NEK5: variants seen among roughly 807,000 people sequenced by gnomAD.
The protein encoded by NEK5 is serine/threonine-protein kinase Nek5.
In NEK5, 88 loss-of-function variants were observed where a neutral mutation model predicts 109.2. That is an observed-to-expected ratio of 0.81 (90% CI 0.68 to 0.96). NEK5 has a LOEUF of 0.96. Ranked by LOEUF, NEK5 falls within the 40% of genes least tolerant of loss-of-function variation. The probability of loss-of-function intolerance (pLI) is 0.00; values close to 1 mark genes in which losing one functional copy is unlikely to be tolerated. For synonymous variants in NEK5, 283 were observed against 299.9 expected, an observed-to-expected ratio of 0.94 and a Z score of 0.58; for missense variants, 834 against 920.7, an observed-to-expected ratio of 0.91 and a Z score of 1.22.
chr13:52,070,115 A>G (rs1954760870), intron 20 of NEK5, among the ~76,000 whole-genome samples: 1 of 152,294 alleles, frequency 6.6e-6, no homozygotes, highest in African/African-American at 2.4e-5. Flanking sequence ...AGGAAGAGGA[A>G]ACTGAGCCAA....
chr13:52,083,200 G>T, intron 17 of NEK5, 60 bp downstream of exon 17: 1 of 1,160,710 alleles, frequency 8.6e-7, no homozygotes, highest in Non-Finnish European at 1.3e-6. Flanking sequence ...AAGGGTAAGA[G>T]CCACTTGGGG....
chr13:52,086,304 A>C lies in NEK5; in HGVS notation c.1452T>G (p.Ile484Met), dbSNP rs1219959686. Reference protein sequence around the residue: ...RQQYHNDMKEIRKKMGREPEE... With the variant: ...RQQYHNDMKEMRKKMGREPEE... Reference sequence around the variant, plus strand: ...CTGGTTCTCTCCCCATCTTCTTTCTAATTTCTTTCATGTCATTGTGGTACT... The same window carrying C: ...CTGGTTCTCTCCCCATCTTCTTTCTCATTTCTTTCATGTCATTGTGGTACT... Residue 484 changes from isoleucine to methionine, a missense_variant, in exon 16 of 24, where the codon ATT becomes ATG. By Grantham distance (10) the Ile-to-Met change is conservative. This residue lies in a region of NEK5 where 777 missense variants were observed against 824.7 expected (regional missense o/e 0.94). Transcript: ENST00000684899. The C allele has an allele frequency of 2.5e-6, 4 of 1,610,966 alleles. No individual in the cohort carries two copies. The highest frequency in any genetic ancestry group is 3.4e-6 in the Non-Finnish European group (4 of 1,177,324).
Position 52,089,322 on chromosome 13 carries a change from A to G in NEK5, c.1209-9T>C. 1.3e-6 allele frequency: 2 copies of G among 1,584,634 alleles called. No individual in the cohort carries two copies. Among genetic ancestry groups the G allele is most frequent in the African/African-American group, 1.3e-5 (1 of 74,356 alleles). On this transcript the variant is annotated splice_polypyrimidine_tract_variant and intron_variant, in intron 13 of 23. Transcript: ENST00000684899. ...GAAGGTACTCAGCAGGCCTTAGAAAATAAGAATGTTCAGCTTAAGTAGAAA... is the reference window on the plus strand; with the variant it reads ...GAAGGTACTCAGCAGGCCTTAGAAAGTAAGAATGTTCAGCTTAAGTAGAAA...
At chr13:52,094,079 G>A (rs1257729760) in intron 12 of NEK5, among the ~76,000 whole-genome samples, 1 of 152,092 alleles carries the variant, frequency 6.6e-6, no homozygotes, top group African/African-American at 2.4e-5. Flanking sequence ...AGCCATGATG[G>A]GCATATCACC....
intron 17 of NEK5, among the ~76,000 whole-genome samples, chr13:52,079,703 G>T: frequency 6.6e-6 from 1 of 152,266 alleles, no homozygotes; most frequent in Non-Finnish European, 1.5e-5. Context: ...CGAGATTGCA[G>T]CCTCTGCCCG....
intron 23 of NEK5, among the ~76,000 whole-genome samples, chr13:52,040,710 T>C (rs1380172421): frequency 6.6e-6 from 1 of 152,222 alleles, no homozygotes; most frequent in Non-Finnish European, 1.5e-5. Context: ...TAAGTTCATC[T>C]TCACCAGTGC....
chr13:52,080,204 G>C lies in NEK5; in HGVS notation c.1572+3056C>G, dbSNP rs1409707765. On this transcript the variant is annotated intron_variant, in intron 17 of 23. Coordinates refer to ENST00000684899, the MANE Select transcript of NEK5 (RefSeq NM_001365552.1). Reference sequence around the variant, plus strand: ...CCCCGCCAGGCCAGCCGCCCCGTCCGGGAGGGAGGTGGGGGGGGGTCAGCC... The same window carrying C: ...CCCCGCCAGGCCAGCCGCCCCGTCCCGGAGGGAGGTGGGGGGGGGTCAGCC... Among the ~76,000 whole-genome samples the C allele has an allele frequency of 6.6e-4, 94 of 142,144 alleles. 1 individual carries two copies. The highest frequency in any genetic ancestry group is 2.3e-3 in the African/African-American group (92 of 40,036). 93.3% of individuals were successfully genotyped at this position (142,144 alleles called of 152,430 possible).
chr13:52,046,113 A>G (rs1391015617), intron 23 of NEK5, among the ~76,000 whole-genome samples: 1 of 151,530 alleles, frequency 6.6e-6, no homozygotes, highest in Non-Finnish European at 1.5e-5. Context: ...TTGTAGTGTA[A>G]TATGAATAAA....
At position 52,127,363 on chromosome 13, in the gene NEK5, T is replaced by C; in HGVS notation, c.117+3A>G. 1 of 1,437,336 alleles carries C rather than the reference T, an allele frequency of 7.0e-7. No homozygotes were observed. The highest frequency in any genetic ancestry group is 9.8e-7 in the Non-Finnish European group (1 of 1,020,988). 89.0% of individuals were successfully genotyped at this position (1,437,336 alleles called of 1,614,324 possible). A position where few individuals can be genotyped will look rare whatever the true frequency, so the allele number is the denominator to read the frequency against. On this transcript the variant is annotated splice_donor_region_variant and intron_variant, in intron 3 of 23. Coordinates refer to ENST00000684899, the MANE Select transcript of NEK5 (RefSeq NM_001365552.1). The stretch of plus-strand genomic sequence containing the variant: ...ATTAACAGAAATTTGAACTTAACTT[T>C]ACCTTTTCAAAATTGATCTCTTTTA...
At chr13:52,063,254 T>C (rs1224922896) in intron 21 of NEK5, among the ~76,000 whole-genome samples, 3 of 152,222 alleles carry the variant, frequency 2.0e-5, no homozygotes, top group Non-Finnish European at 4.4e-5. Flanking sequence ...CGTACTTTTT[T>C]GGTGGAGACG....
At position 52,108,356 on chromosome 13, in the gene NEK5, G is replaced by A. The variant is rs1481064768; in HGVS notation, c.516C>T (p.Ser172=). 6.2e-7 allele frequency: 1 copy of A among 1,611,522 alleles called. No individual in the cohort carries two copies. The highest frequency in any genetic ancestry group is 1.3e-5 in the African/African-American group (1 of 74,938). The change falls in exon 8 of 24, where the codon TCC becomes TCT. Residue 172 remains serine, a synonymous_variant. Coordinates refer to ENST00000684899, the MANE Select transcript of NEK5 (RefSeq NM_001365552.1). ...AGGGTTTATTCTGACAGATCTCTGGGGACAGGTAGTAAGGTGTTCCAATAC... is the reference window on the plus strand; with the variant it reads ...AGGGTTTATTCTGACAGATCTCTGGAGACAGGTAGTAAGGTGTTCCAATAC... ...RTCIGTPYYL[S]PEICQNKPYN...
chr13:52,099,825 C>A lies in NEK5; in HGVS notation c.944G>T (p.Arg315Met), dbSNP rs1258458215. 1.9e-6 allele frequency: 3 copies of A among 1,613,762 alleles called. No homozygotes were observed. In the African/African-American group the frequency reaches 4.0e-5, roughly 22 times the overall value. The change falls in exon 12 of 24, where the codon AGG becomes ATG. Residue 315 changes from arginine to methionine, a missense_variant. Arg to Met is a moderately conservative substitution (Grantham distance 91). Coordinates refer to ENST00000684899, the MANE Select transcript of NEK5 (RefSeq NM_001365552.1). ...ATTCCTTTTAATTGGCACAGATATC[C>A]TTGATCTTGGTGGGCACTTTCCCTG... is the stretch of plus-strand genomic sequence containing the variant. ...RFQGKCPPRS[R>M]ISVPIKRNAI... is the part of the protein sequence containing the mutation.
intron 17 of NEK5, among the ~76,000 whole-genome samples, chr13:52,081,431 G>C (rs1415179658): frequency 6.6e-6 from 1 of 151,952 alleles, no homozygotes; most frequent in African/African-American, 2.4e-5. Flanking sequence ...TGAGCTCAAG[G>C]GATCCTCGGC....
intron 23 of NEK5, among the ~76,000 whole-genome samples, chr13:52,037,791 C>T (rs893997479): frequency 2.6e-5 from 4 of 152,168 alleles, no homozygotes; most frequent in Middle Eastern, 3.4e-3. Context: ...GGCGTGGTAC[C>T]GGGCGCCTGT....
At chr13:52,069,282 T>C (rs916754058) in intron 20 of NEK5, among the ~76,000 whole-genome samples, 1 of 152,188 alleles carries the variant, frequency 6.6e-6, no homozygotes, top group Non-Finnish European at 1.5e-5. Context: ...GGCCTTTCTC[T>C]TCCAGTTGAT....
At chr13:52,112,875 C>T (rs1460446201) in intron 4 of NEK5, among the ~76,000 whole-genome samples, 2 of 152,190 alleles carry the variant, frequency 1.3e-5, no homozygotes, top group Non-Finnish European at 2.9e-5. Flanking sequence ...AGGACACTCT[C>T]CATTGCTATT....
In NEK5 at chr13:52,117,962, G is replaced by A. The variant is rs148434997; in HGVS notation, c.214+1357C>T. 3.3e-5 allele frequency among the ~76,000 whole-genome samples: 5 copies of A among 152,332 alleles called. No homozygotes were observed. In the East Asian group the frequency reaches 9.6e-4, roughly 29 times the overall value. Reference sequence around the variant, plus strand: ...ACAGGAATGCAGGGCACTTTATTCAGTGGCTTTCCTTGAAAGTTATTCCAT... The same window carrying A: ...ACAGGAATGCAGGGCACTTTATTCAATGGCTTTCCTTGAAAGTTATTCCAT... On this transcript the variant is annotated intron_variant, in intron 4 of 23. Transcript: ENST00000684899.
At chr13:52,086,227 G>A (rs753532178) in intron 16 of NEK5, 50 bp downstream of exon 16, 10 of 1,141,068 alleles carry the variant, frequency 8.8e-6, no homozygotes, top group Non-Finnish European at 1.3e-5. Context: ...GCTCAATTTA[G>A]TTAGCTCTAA....
intron 8 of NEK5, among the ~76,000 whole-genome samples, chr13:52,107,141 A>C (rs1416651396): frequency 6.6e-6 from 1 of 152,176 alleles, no homozygotes; most frequent in African/African-American, 2.4e-5. Flanking sequence ...AATGAAGAGA[A>C]ATGGCTTTCT....
Sources: gnomAD v4.1 joint callset for allele counts (sites outside exome capture counted in the v4.1 genomes callset) on GRCh38, gnomAD v4.1.1 for gene constraint, gnomAD v4.1.1 regional missense constraint, MANE v1.5 for transcripts, NCBI Gene and HGNC (gene_info 2026-07-23, HGNC 2026-07-21) for gene names.